The following EPB41L2 variants were observed in gnomAD, a reference collection of about 807,000 sequenced individuals.
The protein encoded by EPB41L2 is erythrocyte membrane protein band 4.1 like 2.
In EPB41L2, 43 loss-of-function variants were observed where a neutral mutation model predicts 113.0. That is an observed-to-expected ratio of 0.38 (90% CI 0.30 to 0.49). The LOEUF (loss-of-function observed/expected upper bound fraction) is 0.49, where lower values mean the gene tolerates loss of function less well. Among genes scored for constraint, EPB41L2 ranks in the 20% least tolerant of loss-of-function variants. The probability of loss-of-function intolerance (pLI) is 0.95; values close to 1 mark genes in which losing one functional copy is unlikely to be tolerated. For missense variants in EPB41L2, 1,147 were observed against 1,223.4 expected (o/e 0.94, Z 0.93); for synonymous variants, 442 against 436.7 (o/e 1.01, Z -0.15).
Position 130,863,620 on chromosome 6 carries a change from A to T in EPB41L2, c.2910+18T>A. On this transcript the variant is annotated intron_variant, in intron 18 of 19. Transcript: ENST00000337057. The stretch of plus-strand genomic sequence containing the variant: ...AACAAACAGGGCCATTTCCAAAACT[A>T]GAACTTAACTTATTTACCTGGTCAT... 1.3e-6 allele frequency: 2 copies of T among 1,570,994 alleles called. No individual in the cohort carries two copies. The highest frequency in any genetic ancestry group is 8.8e-7 in the Non-Finnish European group (1 of 1,141,592).
At chr6:131,022,613 T>G (rs1422007946) in intron 1 of EPB41L2, among the ~76,000 whole-genome samples, 2 of 152,180 alleles carry the variant, frequency 1.3e-5, no homozygotes, top group African/African-American at 2.4e-5. Context: ...AAATAACTGA[T>G]AGCACCTATG....
At chr6:130,960,021 CCACT>C (rs1192958515) in intron 1 of EPB41L2, among the ~76,000 whole-genome samples, 1 of 152,196 alleles carries the variant, frequency 6.6e-6, no homozygotes, top group African/African-American at 2.4e-5. Context: ...ATAAGGGTTT[CCACT>C]CACTGTTTAC....
At chr6:131,056,005 T>A (rs376992977) in intron 1 of EPB41L2, among the ~76,000 whole-genome samples, 3 of 152,114 alleles carry the variant, frequency 2.0e-5, no homozygotes, top group Admixed American at 2.0e-4. Flanking sequence ...CCAGAAGCAA[T>A]AGACACAATA....
intron 14 of EPB41L2, chr6:130,870,434 C>A (rs1785269237): frequency 6.5e-7 from 1 of 1,532,628 alleles, no homozygotes; most frequent in African/African-American, 1.4e-5. Flanking sequence ...TTTACCTCAA[C>A]AACCACTGAA....
intron 1 of EPB41L2, among the ~76,000 whole-genome samples, chr6:131,030,183 C>T (rs374743791): frequency 9.9e-5 from 15 of 152,190 alleles, no homozygotes; most frequent in African/African-American, 3.6e-4. Context: ...AGTGTGACTG[C>T]AGGGCCTGAT....
chr6:130,937,333 G>A (rs1299042987), intron 3 of EPB41L2, among the ~76,000 whole-genome samples: 1 of 152,158 alleles, frequency 6.6e-6, no homozygotes, highest in Non-Finnish European at 1.5e-5. Context: ...CCATGAGGCA[G>A]TCAGCAAAGA....
intron 7 of EPB41L2, among the ~76,000 whole-genome samples, chr6:130,900,114 A>C (rs986799642): frequency 1.3e-5 from 2 of 152,196 alleles, no homozygotes; most frequent in African/African-American, 4.8e-5. Flanking sequence ...ATGTCCCATT[A>C]ATTTTCACAT....
intron 5 of EPB41L2, 78 bp from the exon 6 acceptor site, chr6:130,904,618 A>T (rs1295467481): frequency 1.1e-6 from 1 of 927,482 alleles, no homozygotes; most frequent in Non-Finnish European, 1.7e-6. Flanking sequence ...AAGGTCAAGG[A>T]TCAAACAGTA....
intron 1 of EPB41L2, among the ~76,000 whole-genome samples, chr6:130,962,947 G>C (rs1427511613): frequency 6.6e-6 from 1 of 152,134 alleles, no homozygotes; most frequent in African/African-American, 2.4e-5. Context: ...CCTCTAAAAA[G>C]AGCCAGAGGA....
At chr6:130,914,035 C>T (rs1476563565) in intron 4 of EPB41L2, among the ~76,000 whole-genome samples, 3 of 152,114 alleles carry the variant, frequency 2.0e-5, no homozygotes, top group African/African-American at 4.8e-5. Context: ...ATATATAAAC[C>T]GTGGAATCAG....
In EPB41L2 at chr6:130,958,682, G is replaced by T. The variant is rs751828269; in HGVS notation, c.-14-2183C>A. On this transcript the variant is annotated intron_variant, in intron 1 of 19. Coordinates refer to ENST00000337057, the MANE Select transcript of EPB41L2 (RefSeq NM_001431.4). ...TTCCTCATAAAAAAGGAAACCACAG[G>T]CACAGAACAATAATCCACTGTACAA... Among the ~76,000 whole-genome samples the T allele has an allele frequency of 2.0e-5, 3 of 152,140 alleles. No homozygotes were observed. The East Asian group carries it at 5.8e-4, about 29-fold the overall frequency.
intron 13 of EPB41L2, among the ~76,000 whole-genome samples, chr6:130,879,930 C>T (rs1010230981): frequency 1.2e-4 from 18 of 152,092 alleles, no homozygotes; most frequent in Admixed American, 6.5e-5. Context: ...TTTTTTCCCA[C>T]TTGTCACTTT....
chr6:131,038,206 T>C (rs1186781599), intron 1 of EPB41L2, among the ~76,000 whole-genome samples: 2 of 152,210 alleles, frequency 1.3e-5, no homozygotes, highest in Non-Finnish European at 2.9e-5. Flanking sequence ...TTATTCCCTA[T>C]TCAATGCCTT....
intron 4 of EPB41L2, among the ~76,000 whole-genome samples, chr6:130,921,169 G>A (rs974006519): frequency 3.9e-5 from 6 of 151,934 alleles, no homozygotes; most frequent in South Asian, 4.2e-4. Context: ...CTAGACTACC[G>A]CAACTGTCTC....
chr6:130,942,883 G>C (rs909758074), intron 3 of EPB41L2, among the ~76,000 whole-genome samples: 1 of 152,196 alleles, frequency 6.6e-6, no homozygotes, highest in Non-Finnish European at 1.5e-5. Flanking sequence ...TGCTGAGAAT[G>C]ATGGTTTCCA....
At chr6:131,024,834 T>C (rs1338877661) in intron 1 of EPB41L2, among the ~76,000 whole-genome samples, 1 of 152,232 alleles carries the variant, frequency 6.6e-6, no homozygotes, top group Non-Finnish European at 1.5e-5. Flanking sequence ...TTTTGGTTCC[T>C]ACCCTCTCCT....
At chr6:131,043,056 T>A (rs555736527) in intron 1 of EPB41L2, among the ~76,000 whole-genome samples, 6 of 152,216 alleles carry the variant, frequency 3.9e-5, no homozygotes, top group Admixed American at 6.5e-5. Context: ...CCCAACAGTT[T>A]GAGAGGCCGA....
Position 130,858,181 on chromosome 6 carries a change from C to T in EPB41L2, c.2973G>A (p.Val991=), listed in dbSNP as rs754324039. ...CCAACTCTGTTTCTTTGTGTACCAC[C>T]ACTCTTGTGACCGACATGTCAGGGT... ...EQHPDMSVTR[V]VVHKETELAE... is the part of the protein sequence containing the mutation. Residue 991 remains valine, a synonymous_variant, in exon 19 of 20, where the codon GTG becomes GTA. Coordinates refer to ENST00000337057, the MANE Select transcript of EPB41L2 (RefSeq NM_001431.4). 5 of 1,614,066 alleles carry T rather than the reference C, an allele frequency of 3.1e-6. No homozygotes were observed. In the Admixed American group the frequency reaches 6.7e-5, roughly 22 times the overall value.
intron 16 of EPB41L2, 87 bp downstream of exon 16, chr6:130,867,372 C>A: frequency 6.6e-7 from 1 of 1,525,308 alleles, no homozygotes; most frequent in South Asian, 1.2e-5. Context: ...AAGCCAGAAA[C>A]ATGTAAACTA....
Sources: allele counts gnomAD v4.1 joint callset (sites outside exome capture counted in the v4.1 genomes callset), GRCh38; gene constraint gnomAD v4.1.1; transcripts MANE v1.5; gene names NCBI Gene and HGNC (gene_info 2026-07-23, HGNC 2026-07-21).